The following PNPT1 variants were observed in gnomAD, a reference collection of about 807,000 sequenced individuals.
The protein encoded by PNPT1 is polyribonucleotide nucleotidyltransferase 1.
Under a neutral mutation model 119.5 loss-of-function variants are expected in PNPT1, and 53 were observed. The observed-to-expected ratio is 0.44, with a 90% CI of 0.36 to 0.56. The LOEUF (loss-of-function observed/expected upper bound fraction) is 0.56, where lower values mean the gene tolerates loss of function less well. Ranked by LOEUF, PNPT1 falls within the 20% of genes least tolerant of loss-of-function variation. The pLI is 0.00. For synonymous variants in PNPT1, 357 were observed against 322.1 expected (o/e 1.11, Z -1.16); for missense variants, 948 against 938.5 (o/e 1.01, Z -0.13).
intron 4 of PNPT1, 146 bp from the exon 5 acceptor site, chr2:55,683,980 G>A (rs1278709703): frequency 5.9e-6 from 4 of 681,946 alleles, no homozygotes; most frequent in East Asian, 2.8e-5. Flanking sequence ...ACAGATAAAT[G>A]TCAGTGCTTC....
intron 13 of PNPT1, 68 bp from the exon 14 acceptor site, chr2:55,662,094 G>A (rs1696596899): frequency 7.6e-6 from 10 of 1,319,586 alleles, no homozygotes; most frequent in Non-Finnish European, 1.0e-5. Context: ...AAAAATACTT[G>A]AAGAATCCAA....
rs1218612302 is a variant in PNPT1, at chr2:55,654,167, G to T, written c.1495+733C>A. ...AGCTACTCAGGAGGCTGAGGCAGAA[G>T]AATCACTTGAACCTGGGAGGCGGAG... is the stretch of plus-strand genomic sequence containing the variant. On this transcript the variant is annotated intron_variant, in intron 18 of 27. Transcript: ENST00000447944. Among the ~76,000 whole-genome samples, 10 of 148,262 alleles carry T rather than the reference G, an allele frequency of 6.7e-5. No individual in the cohort carries two copies. In the Admixed American group the frequency reaches 7.0e-4, roughly 10 times the overall value.
At chr2:55,672,163 C>A (rs1696936965) in intron 9 of PNPT1, 117 bp from the exon 10 acceptor site, 2 of 734,348 alleles carry the variant, frequency 2.7e-6, no homozygotes, top group East Asian at 3.0e-5. Context: ...ATAAATACTT[C>A]AGAAAGAATT....
At chr2:55,663,610 C>T (rs529189379) in intron 13 of PNPT1, among the ~76,000 whole-genome samples, 1 of 151,936 alleles carries the variant, frequency 6.6e-6, no homozygotes, top group South Asian at 2.1e-4. Flanking sequence ...TTGAAAGCAC[C>T]CACATGAAAA....
At chr2:55,682,464 A>C (rs1697277962) in intron 5 of PNPT1, among the ~76,000 whole-genome samples, 1 of 152,170 alleles carries the variant, frequency 6.6e-6, no homozygotes, top group Admixed American at 6.5e-5. Context: ...CTGTCTCAAA[A>C]AAAAAAAATT....
intron 14 of PNPT1, among the ~76,000 whole-genome samples, chr2:55,660,559 T>C (rs778482771): frequency 2.6e-5 from 4 of 152,146 alleles, no homozygotes; most frequent in African/African-American, 4.8e-5. Flanking sequence ...TCCCAGTCAA[T>C]ATGTGAAACG....
Position 55,671,703 on chromosome 2 carries a change from G to A in PNPT1, c.918+292C>T, listed in dbSNP as rs967055521. On this transcript the variant is annotated intron_variant, in intron 10 of 27. Coordinates refer to ENST00000447944, the MANE Select transcript of PNPT1 (RefSeq NM_033109.5). ...ACAAAAGATAGCTGAGTGTGGTGGC[G>A]TGCACCTGTAATCCCAGCTACTTGG... 5.3e-5 allele frequency among the ~76,000 whole-genome samples: 8 copies of A among 152,156 alleles called. No homozygotes were observed. The East Asian group carries it at 7.7e-4, about 15-fold the overall frequency.
At chr2:55,681,562 A>C (rs1697249679) in intron 5 of PNPT1, among the ~76,000 whole-genome samples, 1 of 152,120 alleles carries the variant, frequency 6.6e-6, no homozygotes, top group South Asian at 2.1e-4. Context: ...AATATTTTCT[A>C]GGCCAGGCAT....
At position 55,646,290 on chromosome 2, in the gene PNPT1, T is replaced by G; in HGVS notation, c.1707A>C (p.Lys569Asn). The change falls in exon 21 of 28, where the codon AAA becomes AAC. Residue 569 changes from lysine (K) to asparagine (N), a missense_variant. Lys to Asn is a moderately conservative substitution (Grantham distance 94). Transcript: ENST00000447944. ...ADIKLPGIPI[K>N]IVMEAIQQAS... ...CTTGTTGAATAGCCTCCATCACAAT[T>G]TTTATTGGTATTCCAGGTAATTTAA... is the stretch of plus-strand genomic sequence containing the variant. 1 of 1,613,298 alleles carries G rather than the reference T, an allele frequency of 6.2e-7. No individual in the cohort carries two copies. Among genetic ancestry groups the G allele is most frequent in the Non-Finnish European group, 8.5e-7 (1 of 1,179,452 alleles).
chr2:55,673,308 T>A (rs1696970503), intron 8 of PNPT1, among the ~76,000 whole-genome samples: 1 of 151,734 alleles, frequency 6.6e-6, no homozygotes, highest in Non-Finnish European at 1.5e-5. Context: ...TCCTTAAGTT[T>A]AAGGAGGGAT....
At position 55,643,504 on chromosome 2, in the gene PNPT1, G is replaced by C. The variant is rs191500768; in HGVS notation, c.1907-79C>G. 5.6e-6 allele frequency: 7 copies of C among 1,252,354 alleles called. No individual in the cohort carries two copies. In the East Asian group the frequency reaches 7.1e-5, roughly 13 times the overall value. 77.6% of individuals were successfully genotyped at this position (1,252,354 alleles called of 1,614,324 possible). A position where few individuals can be genotyped will look rare whatever the true frequency, so the allele number is the denominator to read the frequency against. On this transcript the variant is annotated intron_variant, in intron 23 of 27. Transcript: ENST00000447944. ...TCACATCTGTAATCCCAGCACTCTGGGGGGCTGAGGTGGGAGGATCACTTG... is the reference window on the plus strand; with the variant it reads ...TCACATCTGTAATCCCAGCACTCTGCGGGGCTGAGGTGGGAGGATCACTTG...
intron 26 of PNPT1, among the ~76,000 whole-genome samples, chr2:55,638,779 C>CTT (rs540375374): frequency 1.4e-5 from 2 of 146,226 alleles, no homozygotes; most frequent in Non-Finnish European, 3.0e-5. Flanking sequence ...TTAAGGACAT[C>CTT]TTTTTTTTTT....
intron 8 of PNPT1, among the ~76,000 whole-genome samples, chr2:55,676,479 T>C (rs971064622): frequency 2.0e-5 from 3 of 152,098 alleles, no homozygotes; most frequent in African/African-American, 7.2e-5. Flanking sequence ...AACATCTAAA[T>C]GGTACGGTTC....
chr2:55,636,608 T>C (rs1357379534), intron 27 of PNPT1, among the ~76,000 whole-genome samples: 2 of 152,346 alleles, frequency 1.3e-5, no homozygotes, highest in East Asian at 3.9e-4. Context: ...TGTTCAACTA[T>C]AATCTGCCGC....
chr2:55,640,364 G>A (rs1275278568), intron 26 of PNPT1, among the ~76,000 whole-genome samples: 1 of 152,146 alleles, frequency 6.6e-6, no homozygotes, highest in Admixed American at 6.5e-5. Flanking sequence ...ATGTTGGTCA[G>A]GATGGTCTCC....
chr2:55,655,343 C>T (rs1191418907), intron 17 of PNPT1, among the ~76,000 whole-genome samples: 1 of 152,108 alleles, frequency 6.6e-6, no homozygotes, highest in Non-Finnish European at 1.5e-5. Flanking sequence ...CCAAGTTAGA[C>T]CCTTTGGACC....
intron 1 of PNPT1, among the ~76,000 whole-genome samples, chr2:55,691,870 ATATATATATTTTT>A (rs1697619010): frequency 1.6e-4 from 2 of 12,284 alleles, no homozygotes; most frequent in Non-Finnish European, 2.5e-4. Context: ...ATATATATAT[ATATATATATTTTT>A]TTTTTTTTTT....
chr2:55,661,908 T>C, intron 14 of PNPT1, 48 bp downstream of exon 14: 1 of 1,451,664 alleles, frequency 6.9e-7, no homozygotes, highest in Non-Finnish European at 9.2e-7. Context: ...TTTAATTATA[T>C]AATAGAACAT....
chr2:55,651,093 C>T (rs1198816798), intron 18 of PNPT1, among the ~76,000 whole-genome samples: 15 of 148,704 alleles, frequency 1.0e-4, no homozygotes, highest in African/African-American at 3.7e-4. Context: ...CCCCCCCGCC[C>T]AGCCAGCCGC....
Sources: gnomAD v4.1 joint callset for allele counts (sites outside exome capture counted in the v4.1 genomes callset) on GRCh38, gnomAD v4.1.1 for gene constraint, MANE v1.5 for transcripts, NCBI Gene and HGNC (gene_info 2026-07-23, HGNC 2026-07-21) for gene names.